The following MFSD1 variants were observed in gnomAD, a reference collection of about 807,000 sequenced individuals.
MFSD1 encodes the protein lysosomal dipeptide transporter MFSD1.
MFSD1 carries 59 observed loss-of-function variants against 67.1 expected under a neutral mutation model. The observed-to-expected ratio is 0.88, with a 90% CI of 0.71 to 1.09. The LOEUF is 1.09. Among genes scored for constraint, MFSD1 ranks in the 50% least tolerant of loss-of-function variants. MFSD1 has a pLI of 0.00. For missense variants in MFSD1, 552 were observed against 566.1 expected (o/e 0.97, Z 0.25); for synonymous variants, 213 against 200.3 (o/e 1.06, Z -0.54).
chr3:158,806,938 A>G (rs921428160), intron 3 of MFSD1, 102 bp from the exon 4 acceptor site: 8 of 973,028 alleles, frequency 8.2e-6, no homozygotes, highest in Admixed American at 5.5e-5. Flanking sequence ...AAAGTGAATT[A>G]TTACTAAAGG....
intron 10 of MFSD1, 81 bp from the exon 11 acceptor site, chr3:158,821,903 C>A: frequency 7.0e-7 from 1 of 1,430,654 alleles, no homozygotes; most frequent in Non-Finnish European, 9.7e-7. Context: ...ATTTGCTTTG[C>A]CTGATATTTT....
At chr3:158,816,764 G>A (rs374634811) in intron 7 of MFSD1, among the ~76,000 whole-genome samples, 9 of 150,882 alleles carry the variant, frequency 6.0e-5, no homozygotes, top group Non-Finnish European at 7.4e-5. Flanking sequence ...GGTTTTCTTC[G>A]AGGGTTTTTA....
Position 158,802,292 on chromosome 3 carries a change from T to TA in MFSD1, c.141dup (p.Leu48ThrfsTer14), listed in dbSNP as rs778677742. 15 of 1,611,048 alleles carry TA rather than the reference T, an allele frequency of 9.3e-6. No homozygotes were observed. The highest frequency in any genetic ancestry group is 1.2e-5 in the Non-Finnish European group (14 of 1,178,360). On this transcript the variant is annotated frameshift_variant, in exon 1 of 16. Coordinates refer to ENST00000415822, the MANE Select transcript of MFSD1 (RefSeq NM_022736.4). LOFTEE classifies it high-confidence loss of function. ...CTGGCGCACCGGCTTTTGGTGCTGTTACTGATGTGCTTCCTTGGCTTTGGT... is the reference window on the plus strand; with the variant it reads ...CTGGCGCACCGGCTTTTGGTGCTGTTAACTGATGTGCTTCCTTGGCTTTGGT...
chr3:158,823,235 T>G (rs892999221), intron 11 of MFSD1, 193 bp from the exon 12 acceptor site: 31 of 569,076 alleles, frequency 5.4e-5, no homozygotes, highest in Non-Finnish European at 9.5e-5. Flanking sequence ...GCATGTATCT[T>G]GTCGCTAAAA....
Position 158,802,073 on chromosome 3 carries a change from T to A in MFSD1, c.-80T>A, listed in dbSNP as rs1345772274. 3 of 1,564,646 alleles carry A rather than the reference T, an allele frequency of 1.9e-6. No individual in the cohort carries two copies. The highest frequency in any genetic ancestry group is 2.6e-6 in the Non-Finnish European group (3 of 1,160,370). The stretch of plus-strand genomic sequence containing the variant: ...TCCCGGAGTCATGTGACCGCCGTCT[T>A]GACAGTGTTCCACGGGCGCTGCTTC... On this transcript the variant is annotated 5_prime_UTR_variant, in exon 1 of 16. Coordinates refer to ENST00000415822, the MANE Select transcript of MFSD1 (RefSeq NM_022736.4).
intron 1 of MFSD1, 144 bp downstream of exon 1, chr3:158,802,459 T>TG (rs1436897118): frequency 6.3e-6 from 6 of 953,984 alleles, no homozygotes; most frequent in Non-Finnish European, 9.9e-6. Context: ...TTTTCCCCTT[T>TG]GCGATCGATT....
At chr3:158,809,448 A>G (rs1559916681) in intron 6 of MFSD1, among the ~76,000 whole-genome samples, 161 bp downstream of exon 6, 1 of 152,156 alleles carries the variant, frequency 6.6e-6, no homozygotes, top group Non-Finnish European at 1.5e-5. Flanking sequence ...CCTTGAGTAA[A>G]GCATTTCTAA....
At chr3:158,806,648 C>T (rs1729741237) in intron 3 of MFSD1, among the ~76,000 whole-genome samples, 1 of 152,086 alleles carries the variant, frequency 6.6e-6, no homozygotes, top group South Asian at 2.1e-4. Context: ...TGTAAAATTC[C>T]TTGGAATCAA....
intron 13 of MFSD1, 95 bp downstream of exon 13, chr3:158,824,331 T>A: frequency 2.3e-6 from 2 of 854,196 alleles, no homozygotes; most frequent in Non-Finnish European, 3.7e-6. Context: ...TGCCTAATTC[T>A]CACCTGTGAA....
chr3:158,819,783 T>C (rs769902016), intron 8 of MFSD1, 36 bp downstream of exon 8: 1 of 1,253,806 alleles, frequency 8.0e-7, no homozygotes, highest in Non-Finnish European at 1.2e-6. Context: ...TTAGGGGAAT[T>C]ACGGCCTTTG....
intron 3 of MFSD1, among the ~76,000 whole-genome samples, chr3:158,806,289 A>C (rs1244368384): frequency 6.6e-6 from 1 of 152,324 alleles, no homozygotes; most frequent in East Asian, 1.9e-4. Context: ...TCTGGGGAAC[A>C]GATTCCTTTT....
chr3:158,811,536 G>A (rs529153088), intron 6 of MFSD1, among the ~76,000 whole-genome samples: 6 of 152,174 alleles, frequency 3.9e-5, no homozygotes, highest in Admixed American at 6.5e-5. Context: ...ACCAAGCCCT[G>A]GGGCACTTCC....
Position 158,804,316 on chromosome 3 carries a change from T to C in MFSD1, c.164-3T>C. On this transcript the variant is annotated splice_region_variant and splice_polypyrimidine_tract_variant and intron_variant, in intron 1 of 15. Coordinates refer to ENST00000415822, the MANE Select transcript of MFSD1 (RefSeq NM_022736.4). ...TACTTATAAAGTATTTGCTCTTTTCTAGGCAGCTATTTTTGCTATGATAAT... is the reference window on the plus strand; with the variant it reads ...TACTTATAAAGTATTTGCTCTTTTCCAGGCAGCTATTTTTGCTATGATAAT... 5 of 1,607,246 alleles carry C rather than the reference T, an allele frequency of 3.1e-6. No homozygotes were observed. The highest frequency in any genetic ancestry group is 4.2e-6 in the Non-Finnish European group (5 of 1,176,476).
intron 5 of MFSD1, among the ~76,000 whole-genome samples, chr3:158,807,836 G>A (rs1445292949): frequency 2.6e-5 from 4 of 152,212 alleles, no homozygotes; most frequent in African/African-American, 9.7e-5. Flanking sequence ...AGTGATGCGA[G>A]GGTCCTTTCA....
At chr3:158,823,239 G>A (rs564742363) in intron 11 of MFSD1, 189 bp from the exon 12 acceptor site, 12 of 567,998 alleles carry the variant, frequency 2.1e-5, no homozygotes, top group East Asian at 1.5e-4. Context: ...GTATCTTGTC[G>A]CTAAAAGGAT....
intron 9 of MFSD1, among the ~76,000 whole-genome samples, chr3:158,820,844 A>G (rs1386381099): frequency 6.6e-6 from 1 of 152,190 alleles, no homozygotes; most frequent in Non-Finnish European, 1.5e-5. Flanking sequence ...GGTCACTTCC[A>G]TGACAGGTGG....
Position 158,829,052 on chromosome 3 carries a change from A to C in MFSD1, c.*70A>C, listed in dbSNP as rs894049686. On this transcript the variant is annotated 3_prime_UTR_variant, in exon 16 of 16. Coordinates refer to ENST00000415822, the MANE Select transcript of MFSD1 (RefSeq NM_022736.4). ...TGGTTTGAAAACTTCCATTTTTAAA[A>C]ATTTAGAGTTTAGTCATTAGAAAAA... The C allele has an allele frequency of 1.4e-4, 208 of 1,469,010 alleles. No individual in the cohort carries two copies. The highest frequency in any genetic ancestry group is 1.9e-4 in the Non-Finnish European group (203 of 1,081,096). 91.0% of individuals were successfully genotyped at this position (1,469,010 alleles called of 1,614,324 possible).
intron 6 of MFSD1, among the ~76,000 whole-genome samples, chr3:158,812,936 G>T (rs1359318757): frequency 6.6e-6 from 1 of 151,892 alleles, no homozygotes; most frequent in African/African-American, 2.4e-5. Flanking sequence ...CTTCTGCCTG[G>T]AGTGCTCCTC....
At chr3:158,823,749 G>A (rs1488989504) in intron 12 of MFSD1, among the ~76,000 whole-genome samples, 1 of 152,168 alleles carries the variant, frequency 6.6e-6, no homozygotes, top group African/African-American at 2.4e-5. Flanking sequence ...GGTCCTTGCT[G>A]ACATTATAAT....
Sources: allele counts gnomAD v4.1 joint callset (sites outside exome capture counted in the v4.1 genomes callset), GRCh38; gene constraint gnomAD v4.1.1; transcripts MANE v1.5; gene names NCBI Gene and HGNC (gene_info 2026-07-23, HGNC 2026-07-21).